Variants in KLRK1 observed in about 807,000 individuals in gnomAD.
KLRK1 encodes killer cell lectin like receptor K1.
Under a neutral mutation model 31.3 loss-of-function variants are expected in KLRK1, and 40 were observed. That is an observed-to-expected ratio of 1.28 (90% CI 0.99 to 1.67). The LOEUF is 1.67. Ranked by LOEUF, KLRK1 falls within the 40% of genes most tolerant of loss-of-function variation. The pLI, the probability that KLRK1 is intolerant of heterozygous loss-of-function variation, is 0.00. For synonymous variants in KLRK1, 77 were observed against 77.3 expected, an observed-to-expected ratio of 1.00 and a Z score of 0.02; for missense variants, 251 against 260.0, an observed-to-expected ratio of 0.97 and a Z score of 0.24.
chr12:10,378,859 T>G, intron 5 of KLRK1, 154 bp from the exon 6 acceptor site: 2 of 915,100 alleles, frequency 2.2e-6, no homozygotes, highest in Non-Finnish European at 3.1e-6. Flanking sequence ...TACATATTCA[T>G]AGAGAGAAGC....
chr12:10,373,115 T>A lies in KLRK1; in HGVS notation c.650A>T (p.Ter217LeuextTer2). The change falls in exon 8 of 8, where the codon TAA becomes TTA. Residue 217 changes from the stop codon to leucine (L), a stop_lost. Coordinates refer to ENST00000240618, the MANE Select transcript of KLRK1 (RefSeq NM_007360.4). ...NTYICMQRTV[*>L] ...TTTTATTGAGATGGTTGATCATCTT[T>A]ACACAGTCCTTTGCATGCAGATGTA... 1 of 1,612,000 alleles carries A rather than the reference T, an allele frequency of 6.2e-7. No individual in the cohort carries two copies.
intron 5 of KLRK1, chr12:10,378,931 C>T: frequency 2.6e-6 from 1 of 389,142 alleles, no homozygotes. Flanking sequence ...AGGCAGGTGA[C>T]TCACTTGAGG....
intron 7 of KLRK1, among the ~76,000 whole-genome samples, chr12:10,374,769 CCTAA>C (rs67859250): frequency 0.086 from 13,062 of 152,058 alleles, 1,828 homozygotes; most frequent in African/African-American, 0.3. Flanking sequence ...TGCCAGAGTA[CCTAA>C]CTAACTACAC....
chr12:10,373,795 TATATGATTA>T (rs2137799439), intron 7 of KLRK1, among the ~76,000 whole-genome samples: 1 of 152,298 alleles, frequency 6.6e-6, no homozygotes, highest in Non-Finnish European at 1.5e-5. Flanking sequence ...CTTTTGGAGT[TATATGATTA>T]ATAATGATAC....
In KLRK1 at chr12:10,374,397, C is replaced by CTTT. The variant is rs35414446; in HGVS notation, c.534-1169_534-1167dup. ...CTTTTTTTCTTTCTTTCCTCTCTCT[C>CTTT]TTTTTTTTTTTTTTGACAGTGTTTT... On this transcript the variant is annotated intron_variant, in intron 7 of 7. Transcript: ENST00000240618. Among the ~76,000 whole-genome samples the CTTT allele has an allele frequency of 1.3e-4, 17 of 131,856 alleles. 1 individual carries two copies. The highest frequency in any genetic ancestry group is 4.9e-4 in the African/African-American group (16 of 32,838). The allele number at this position is 131,856 out of a possible 152,430, so 86.5% of individuals were successfully genotyped here.
chr12:10,381,451 A>C (rs1406377993), intron 3 of KLRK1, among the ~76,000 whole-genome samples: 1 of 152,214 alleles, frequency 6.6e-6, no homozygotes, highest in Non-Finnish European at 1.5e-5. Context: ...ATAAAAATAC[A>C]CAAAAGTATA....
intron 7 of KLRK1, among the ~76,000 whole-genome samples, chr12:10,375,930 G>A (rs1175094468): frequency 6.6e-6 from 1 of 152,068 alleles, no homozygotes; most frequent in Non-Finnish European, 1.5e-5. Context: ...TACAGACATG[G>A]GACACTTCAG....
At chr12:10,382,264 C>G (rs1305956772) in intron 3 of KLRK1, 3 of 152,160 alleles carry the variant, frequency 2.0e-5, no homozygotes, top group Non-Finnish European at 4.4e-5. Context: ...CAAGCAGATT[C>G]AACCCAAATG....
intron 7 of KLRK1, among the ~76,000 whole-genome samples, chr12:10,375,916 A>G (rs1376083879): frequency 6.6e-6 from 1 of 152,232 alleles, no homozygotes; most frequent in Admixed American, 6.5e-5. Context: ...CAGGCTATAA[A>G]AACTACAGAC....
intron 3 of KLRK1, 79 bp from the exon 4 acceptor site, chr12:10,379,871 A>G: frequency 1.5e-6 from 2 of 1,307,606 alleles, no homozygotes; most frequent in Non-Finnish European, 2.1e-6. Context: ...TAAATATTAG[A>G]GTTTTTTAAA....
rs200770232 is a variant in KLRK1 at position 10,373,243 on chromosome 12, A to G, written c.534-12T>C. 20 of 1,559,652 alleles carry G rather than the reference A, an allele frequency of 1.3e-5. No homozygotes were observed. In the African/African-American group the frequency reaches 2.1e-4, roughly 16 times the overall value. On this transcript the variant is annotated splice_polypyrimidine_tract_variant and intron_variant, in intron 7 of 7. Coordinates refer to ENST00000240618, the MANE Select transcript of KLRK1 (RefSeq NM_007360.4). ...CAATTATTGTTAGTCTAGAGGAGAG[A>G]CAATTACAAATTACATACATGATTT...
chr12:10,374,367 T>C (rs183445749), intron 7 of KLRK1, among the ~76,000 whole-genome samples: 2 of 149,056 alleles, frequency 1.3e-5, no homozygotes, highest in African/African-American at 4.9e-5. Flanking sequence ...CATTAGAGTC[T>C]CGTTCTTTTT....
At chr12:10,380,373 T>C (rs1863052435) in intron 3 of KLRK1, among the ~76,000 whole-genome samples, 1 of 152,170 alleles carries the variant, frequency 6.6e-6, no homozygotes, top group African/African-American at 2.4e-5. Context: ...CCGTGATTTA[T>C]TATTTTTATG....
chr12:10,376,195 AT>A (rs1461739961), intron 7 of KLRK1, among the ~76,000 whole-genome samples: 1 of 152,220 alleles, frequency 6.6e-6, no homozygotes, highest in African/African-American at 2.4e-5. Context: ...AAAACTTTGT[AT>A]TTCAAAGGTT....
rs1320384301 is a variant in KLRK1 at position 10,389,992 on chromosome 12, AAACT to A, written c.-119_-116del. 6.6e-6 allele frequency: 1 copy of A among 152,122 alleles called. No homozygotes were observed. The highest frequency in any genetic ancestry group is 1.5e-5 in the Non-Finnish European group (1 of 67,968). The allele number at this position is 152,122 out of a possible 1,614,324, so 9.4% of individuals were successfully genotyped here. ...TTCTTGTGGATAAAAGCCTTCTATA[AAACT>A]AGAAAATTTAGATATGTCCTCAGTT... On this transcript the variant is annotated 5_prime_UTR_variant, in exon 1 of 8. Transcript: ENST00000240618.
chr12:10,385,367 GACACACAC>G (rs3055416), intron 3 of KLRK1, among the ~76,000 whole-genome samples: 2,344 of 145,820 alleles, frequency 0.016, 20 homozygotes, highest in Middle Eastern at 0.024. Flanking sequence ...AGCACACACA[GACACACAC>G]ACACACACAC....
At chr12:10,387,101 A>T in intron 2 of KLRK1, 91 bp from the exon 3 acceptor site, 1 of 887,996 alleles carries the variant, frequency 1.1e-6, no homozygotes, top group Non-Finnish European at 1.7e-6. Context: ...ATTTCCATCT[A>T]TGTACTTCCC....
intron 3 of KLRK1, among the ~76,000 whole-genome samples, chr12:10,384,619 AAT>A (rs1469779897): frequency 6.6e-6 from 1 of 152,048 alleles, no homozygotes; most frequent in Non-Finnish European, 1.5e-5. Flanking sequence ...TAATGACTTA[AAT>A]ATAAGAACTG....
chr12:10,385,174 G>T (rs1399410397), intron 3 of KLRK1, among the ~76,000 whole-genome samples: 1 of 151,930 alleles, frequency 6.6e-6, no homozygotes, highest in South Asian at 2.1e-4. Flanking sequence ...TATGGAAACA[G>T]TATGGAGGTC....
Sources: allele counts gnomAD v4.1 joint callset (sites outside exome capture counted in the v4.1 genomes callset), GRCh38; gene constraint gnomAD v4.1.1; transcripts MANE v1.5; gene names NCBI Gene and HGNC (gene_info 2026-07-23, HGNC 2026-07-21).